The following SLC10A7 variants were observed in gnomAD, a reference collection of about 807,000 sequenced individuals.
SLC10A7 encodes the protein solute carrier family 10 member 7, also known as sodium/bile acid cotransporter 7.
A neutral mutation model predicts 43.2 loss-of-function variants in SLC10A7; 29 were observed. The ratio of observed to expected loss-of-function variants is 0.67; its 90% CI spans 0.50 to 0.92. SLC10A7 has a LOEUF of 0.92. SLC10A7 is among the 40% of genes least tolerant of loss of function. The pLI is 0.00. For missense variants in SLC10A7, 295 were observed against 403.2 expected (o/e 0.73, Z 2.30); for synonymous variants, 152 against 144.8 (o/e 1.05, Z -0.35).
chr4:146,508,235 C>A (rs192003122), intron 3 of SLC10A7, among the ~76,000 whole-genome samples: 14 of 152,262 alleles, frequency 9.2e-5, no homozygotes, highest in Admixed American at 3.3e-4. Context: ...TCACATGGTG[C>A]CCCATTTTAG....
At chr4:146,324,306 A>C (rs1015545340) in intron 6 of SLC10A7, among the ~76,000 whole-genome samples, 29 of 152,224 alleles carry the variant, frequency 1.9e-4, no homozygotes, top group Non-Finnish European at 4.3e-4. Context: ...CTTTCTTCAC[A>C]GAATTGGAAA....
intron 5 of SLC10A7, among the ~76,000 whole-genome samples, chr4:146,376,573 G>C (rs370636427): frequency 2.6e-5 from 4 of 152,038 alleles, no homozygotes; most frequent in African/African-American, 7.2e-5. Flanking sequence ...GTCCCCAGCC[G>C]AACTCCAGGG....
rs1735045621 is a variant in SLC10A7, at chr4:146,487,729, T to C, written c.396+16120A>G. Among the ~76,000 whole-genome samples the C allele has an allele frequency of 2.0e-5, 3 of 152,154 alleles. No homozygotes were observed. In the South Asian group the frequency reaches 6.2e-4, roughly 32 times the overall value. On this transcript the variant is annotated intron_variant, in intron 4 of 11. Transcript: ENST00000335472. ...TATAAAAGCAGTCCTATGTACTTCA[T>C]ACAATTATATGGAAGTTAAAGATAG...
chr4:146,511,051 C>T (rs932681457), intron 2 of SLC10A7, among the ~76,000 whole-genome samples: 7 of 151,990 alleles, frequency 4.6e-5, no homozygotes, highest in African/African-American at 7.3e-5. Flanking sequence ...CCTGTTTTAC[C>T]GATGAAGAAA....
At chr4:146,366,357 T>A (rs1287273330) in intron 5 of SLC10A7, among the ~76,000 whole-genome samples, 1 of 152,216 alleles carries the variant, frequency 6.6e-6, no homozygotes, top group Non-Finnish European at 1.5e-5. Context: ...TTAATATTCA[T>A]ACTTAATGAG....
At chr4:146,453,053 A>G (rs1276816742) in intron 4 of SLC10A7, among the ~76,000 whole-genome samples, 2 of 136,258 alleles carry the variant, frequency 1.5e-5, no homozygotes, top group African/African-American at 2.7e-5. Flanking sequence ...ATATATATAA[A>G]TATACAATCT....
chr4:146,289,706 G>GT (rs776153195), intron 9 of SLC10A7, among the ~76,000 whole-genome samples: 3,854 of 88,076 alleles, frequency 0.044, 621 homozygotes, highest in African/African-American at 0.061. Flanking sequence ...CTGATTATTA[G>GT]TTTTTTTTTT....
intron 7 of SLC10A7, among the ~76,000 whole-genome samples, chr4:146,299,809 C>T (rs948054008): frequency 3.3e-5 from 5 of 152,110 alleles, no homozygotes; most frequent in Non-Finnish European, 5.9e-5. Flanking sequence ...AAATTCAACA[C>T]AAGATGAGAC....
At chr4:146,382,083 GGGCTTTGTTGCAAA>G (rs1737667474) in intron 5 of SLC10A7, among the ~76,000 whole-genome samples, 2 of 152,088 alleles carry the variant, frequency 1.3e-5, no homozygotes, top group South Asian at 4.1e-4. Context: ...ATCTGACAAA[GGGCTTTGTTGCAAA>G]GGTTTTGTAT....
At chr4:146,518,917 C>G (rs1227628539) in intron 1 of SLC10A7, among the ~76,000 whole-genome samples, 2 of 150,836 alleles carry the variant, frequency 1.3e-5, no homozygotes, top group Admixed American at 1.3e-4. Context: ...ACTGAGCCAC[C>G]TGGTTCATGG....
At position 146,283,257 on chromosome 4, in the gene SLC10A7, G is replaced by A. The variant is rs201032148; in HGVS notation, c.782C>T (p.Ser261Leu). 35 of 1,613,028 alleles carry A rather than the reference G, an allele frequency of 2.2e-5. No homozygotes were observed. The highest frequency in any genetic ancestry group is 1.5e-4 in the Admixed American group (9 of 59,972). The stretch of plus-strand genomic sequence containing the variant: ...CACTGTGTCTGCTGGTGTGAAACCC[G>A]AATTATTCCTAGGGGCAAAAAAAGA... ...LTFIFSTRNNSGFTPADTVAI... is the reference protein window; with the variant it reads ...LTFIFSTRNNLGFTPADTVAI... Residue 261 changes from serine to leucine, a missense_variant, in exon 10 of 12, where the codon TCG becomes TTG. This residue lies in a region of SLC10A7 where 242 missense variants were observed against 362.5 expected (regional missense o/e 0.67). Transcript: ENST00000335472.
intron 4 of SLC10A7, among the ~76,000 whole-genome samples, chr4:146,481,438 A>T (rs1734466441): frequency 6.6e-6 from 1 of 152,102 alleles, no homozygotes; most frequent in Admixed American, 6.5e-5. Context: ...TGTGTCACAG[A>T]ACCTGGGCCA....
chr4:146,334,221 T>C (rs113143862), intron 5 of SLC10A7, among the ~76,000 whole-genome samples: 17 of 152,234 alleles, frequency 1.1e-4, no homozygotes, highest in African/African-American at 3.9e-4. Flanking sequence ...GCTGGATTTA[T>C]GGGACTGAAA....
chr4:146,342,695 T>C (rs1734353809), intron 5 of SLC10A7, among the ~76,000 whole-genome samples: 1 of 151,756 alleles, frequency 6.6e-6, no homozygotes, highest in African/African-American at 2.4e-5. Context: ...ACTTAAACCA[T>C]ATATTTGCTT....
In SLC10A7 at chr4:146,357,535, C is replaced by G. The variant is rs531350212; in HGVS notation, c.436-31539G>C. On this transcript the variant is annotated intron_variant, in intron 5 of 11. Coordinates refer to ENST00000335472, the MANE Select transcript of SLC10A7 (RefSeq NM_001029998.6). ...TACTTCCCTTTCTAGGCAGGAACTA[C>G]TCATCGTCTACCTTAAAACAACAAC... 1.5e-4 allele frequency among the ~76,000 whole-genome samples: 23 copies of G among 152,326 alleles called. No individual in the cohort carries two copies. The South Asian group carries it at 4.3e-3, about 29-fold the overall frequency.
chr4:146,383,894 T>C (rs189519926), intron 5 of SLC10A7, among the ~76,000 whole-genome samples: 12 of 152,278 alleles, frequency 7.9e-5, no homozygotes, highest in Admixed American at 7.9e-4. Context: ...TAAATGTATT[T>C]GTTCATGTAT....
At chr4:146,442,406 C>T (rs1248493708) in intron 5 of SLC10A7, 17 of 1,006,842 alleles carry the variant, frequency 1.7e-5, no homozygotes, top group Non-Finnish European at 1.9e-5. Flanking sequence ...ATTAGCATTC[C>T]CTTTCTGACC....
chr4:146,394,197 T>C (rs1292898133), intron 5 of SLC10A7, among the ~76,000 whole-genome samples: 1 of 152,202 alleles, frequency 6.6e-6, no homozygotes, highest in Admixed American at 6.5e-5. Context: ...ATTCTCATAA[T>C]CCATGGTTAT....
intron 10 of SLC10A7, among the ~76,000 whole-genome samples, chr4:146,266,700 T>C (rs936947546): frequency 2.0e-5 from 3 of 152,200 alleles, no homozygotes; most frequent in Non-Finnish European, 4.4e-5. Flanking sequence ...GATTTATCAT[T>C]GATCATATCC....
Sources: allele counts gnomAD v4.1 joint callset (sites outside exome capture counted in the v4.1 genomes callset), GRCh38; gene constraint gnomAD v4.1.1; regional missense constraint gnomAD v4.1.1; transcripts MANE v1.5; gene names NCBI Gene and HGNC (gene_info 2026-07-23, HGNC 2026-07-21).